Variants in NTMT2 observed in about 807,000 individuals in gnomAD.
The protein encoded by NTMT2 is X-Pro-Lys N-terminal protein methyltransferase 1B.
NTMT2 carries 21 observed loss-of-function variants against 23.4 expected under a neutral mutation model. The ratio of observed to expected loss-of-function variants is 0.90; its 90% CI spans 0.64 to 1.29. NTMT2 has a LOEUF of 1.29. NTMT2 is among the 50% of genes most tolerant of loss of function. The pLI is 0.00. For missense variants in NTMT2, 336 were observed against 352.0 expected, an observed-to-expected ratio of 0.95 and a Z score of 0.36; for synonymous variants, 131 against 127.7, an observed-to-expected ratio of 1.03 and a Z score of -0.17.
chr1:170,156,931 G>C (rs753178900), intron 1 of NTMT2, among the ~76,000 whole-genome samples: 1 of 152,170 alleles, frequency 6.6e-6, no homozygotes, highest in Non-Finnish European at 1.5e-5. Flanking sequence ...ACTTAAGCAG[G>C]TGATGATGAG....
At chr1:170,148,854 A>C (rs984237520) in intron 1 of NTMT2, among the ~76,000 whole-genome samples, 1 of 152,278 alleles carries the variant, frequency 6.6e-6, no homozygotes, top group East Asian at 1.9e-4. Flanking sequence ...AGAGCAGCCA[A>C]AGTTTTGTCT....
rs1193026633 is a variant in NTMT2, at chr1:170,146,069, T to A, written c.-39T>A. On this transcript the variant is annotated 5_prime_UTR_variant, in exon 1 of 4. Transcript: ENST00000439373. ...AATTCAAAGAAACAGCAAGGCAAGC[T>A]TCCTTTCTCTGTAGGAATCATTATT... 9 of 1,520,206 alleles carry A rather than the reference T, an allele frequency of 5.9e-6. No individual in the cohort carries two copies. Among genetic ancestry groups the A allele is most frequent in the Non-Finnish European group, 5.3e-6 (6 of 1,131,996 alleles). 94.2% of individuals were successfully genotyped at this position (1,520,206 alleles called of 1,614,324 possible).
At chr1:170,164,473 G>C (rs1418440797) in intron 2 of NTMT2, among the ~76,000 whole-genome samples, 3 of 152,178 alleles carry the variant, frequency 2.0e-5, no homozygotes, top group Non-Finnish European at 2.9e-5. Context: ...CTTAGAAGAT[G>C]CTTCTTTCAC....
Position 170,149,880 on chromosome 1 carries a change from C to T in NTMT2, c.154+3619C>T, listed in dbSNP as rs1673034502. Among the ~76,000 whole-genome samples, 8 of 152,114 alleles carry T rather than the reference C, an allele frequency of 5.3e-5. No individual in the cohort carries two copies. The South Asian group carries it at 1.7e-3, about 32-fold the overall frequency. ...ATTACCAAAAACGATAAACTTAATT[C>T]AAAATATGAGAGTTTTCAGGCTGCA... is the stretch of plus-strand genomic sequence containing the variant. On this transcript the variant is annotated intron_variant, in intron 1 of 3. Coordinates refer to ENST00000439373, the MANE Select transcript of NTMT2 (RefSeq NM_001136107.2).
rs1422981596 is a variant in NTMT2, at chr1:170,168,771, G to T, written c.*1014G>T. Among the ~76,000 whole-genome samples, 1 of 152,042 alleles carries T rather than the reference G, an allele frequency of 6.6e-6. No homozygotes were observed. The highest frequency in any genetic ancestry group is 2.4e-5 in the African/African-American group (1 of 41,392). Reference sequence around the variant, plus strand: ...GTCTTGATTGATATGAATGTATATTGGAAAGAGAAGCAGCAAAAGAAATGG... The same window carrying T: ...GTCTTGATTGATATGAATGTATATTTGAAAGAGAAGCAGCAAAAGAAATGG... On this transcript the variant is annotated 3_prime_UTR_variant, in exon 4 of 4. Transcript: ENST00000439373.
chr1:170,146,634 G>A (rs1464720841), intron 1 of NTMT2, among the ~76,000 whole-genome samples: 2 of 152,150 alleles, frequency 1.3e-5, no homozygotes, highest in South Asian at 4.1e-4. Context: ...TTAATACATT[G>A]AGTAAGAGTT....
chr1:170,150,380 A>G (rs1256426342), intron 1 of NTMT2, among the ~76,000 whole-genome samples: 4 of 152,234 alleles, frequency 2.6e-5, no homozygotes, highest in African/African-American at 9.6e-5. Flanking sequence ...CAAGCCTATC[A>G]TTGTTCTCAG....
rs1673424040 is a variant in NTMT2 at position 170,167,695 on chromosome 1, G to T, written c.790G>T (p.Gly264Cys). The T allele has an allele frequency of 1.3e-6, 2 of 1,551,376 alleles. No individual in the cohort carries two copies. The highest frequency in any genetic ancestry group is 1.2e-5 in the South Asian group (1 of 84,052). Reference protein sequence around the residue: ...LVVLGQEKQDGFPEQCIPVWM... With the variant: ...LVVLGQEKQDCFPEQCIPVWM... ...GGTGCTGGGCCAGGAGAAGCAGGAT[G>T]GCTTCCCAGAGCAGTGCATCCCCGT... The change falls in exon 4 of 4, where the codon GGC becomes TGC. Residue 264 changes from glycine to cysteine, a missense_variant. By Grantham distance (159) the Gly-to-Cys change is radical. Transcript: ENST00000439373.
intron 1 of NTMT2, among the ~76,000 whole-genome samples, chr1:170,148,298 G>A (rs978439334): frequency 5.3e-5 from 8 of 151,276 alleles, no homozygotes; most frequent in Admixed American, 1.3e-4. Context: ...ACAGTCCCCC[G>A]CTACCATGCC....
chr1:170,160,363 G>T (rs1673253328), intron 1 of NTMT2, among the ~76,000 whole-genome samples, 155 bp from the exon 2 acceptor site: 1 of 152,154 alleles, frequency 6.6e-6, no homozygotes, highest in Non-Finnish European at 1.5e-5. Context: ...ATAAGTCATG[G>T]AGCCAAAACT....
intron 1 of NTMT2, among the ~76,000 whole-genome samples, chr1:170,156,271 G>C (rs528805473): frequency 1.3e-5 from 2 of 152,106 alleles, no homozygotes; most frequent in African/African-American, 4.8e-5. Context: ...ATGCTAGAGT[G>C]TAATCTCCAT....
chr1:170,153,426 G>C (rs1673107212), intron 1 of NTMT2, among the ~76,000 whole-genome samples: 1 of 152,206 alleles, frequency 6.6e-6, no homozygotes, highest in Non-Finnish European at 1.5e-5. Flanking sequence ...ACTTCTAAGA[G>C]CTGTTAAATC....
At chr1:170,163,144 G>C (rs1463709469) in intron 2 of NTMT2, among the ~76,000 whole-genome samples, 1 of 152,154 alleles carries the variant, frequency 6.6e-6, no homozygotes, top group Non-Finnish European at 1.5e-5. Flanking sequence ...TTGGAAAAGA[G>C]GCAGCCTGCT....
chr1:170,162,103 CACAA>C (rs996297657), intron 2 of NTMT2, among the ~76,000 whole-genome samples: 9 of 152,020 alleles, frequency 5.9e-5, no homozygotes, highest in African/African-American at 1.7e-4. Context: ...CAAACGAACA[CACAA>C]ACAAACAAAC....
Position 170,166,711 on chromosome 1 carries a change from C to A in NTMT2, c.540C>A (p.Pro180=). 6.4e-7 allele frequency: 1 copy of A among 1,552,330 alleles called. No homozygotes were observed. Among genetic ancestry groups the A allele is most frequent in the Non-Finnish European group, 8.7e-7 (1 of 1,147,106 alleles). Residue 180 remains proline, a synonymous_variant, in exon 3 of 4, where the codon CCC becomes CCA. Transcript: ENST00000439373. The part of the protein sequence containing the change: ...HCYSLQEFTP[P]FRRYDVIWIQ... Reference sequence around the variant, plus strand: ...ACAGCCTGCAGGAATTCACACCCCCCTTCAGGAGATATGATGTCATCTGGA... The same window carrying A: ...ACAGCCTGCAGGAATTCACACCCCCATTCAGGAGATATGATGTCATCTGGA...
At position 170,160,535 on chromosome 1, in the gene NTMT2, A is replaced by C. The variant is rs547909253; in HGVS notation, c.172A>C (p.Thr58Pro). ...KIPLVKLYAL[T>P]SQVINGEMQF... is the part of the protein sequence containing the mutation. Reference sequence around the variant, plus strand: ...ATTTGCAGTGAAATTGTACGCTTTAACAAGCCAAGTCATCAATGGTGAGAT... The same window carrying C: ...ATTTGCAGTGAAATTGTACGCTTTACCAAGCCAAGTCATCAATGGTGAGAT... The change falls in exon 2 of 4, where the codon ACA becomes CCA. Residue 58 changes from threonine to proline, a missense_variant. Transcript: ENST00000439373. The C allele has an allele frequency of 1.3e-5, 20 of 1,537,858 alleles. No individual in the cohort carries two copies. The East Asian group carries it at 4.4e-4, about 34-fold the overall frequency.
At chr1:170,161,701 A>G (rs1433563498) in intron 2 of NTMT2, 1 of 152,242 alleles carries the variant, frequency 6.6e-6, no homozygotes, top group African/African-American at 2.4e-5. Flanking sequence ...TTAGTACCCA[A>G]TAAATCTAAT....
rs1415945974 is a variant in NTMT2 at position 170,164,177 on chromosome 1, A to G, written c.331-2325A>G. Among the ~76,000 whole-genome samples the G allele has an allele frequency of 2.7e-5, 4 of 150,496 alleles. No individual in the cohort carries two copies. The East Asian group carries it at 7.8e-4, about 30-fold the overall frequency. ...TGTTTTGAAATCACACATCGCATGT[A>G]GTTCTAGTCATATTCATTCAAGGGC... On this transcript the variant is annotated intron_variant, in intron 2 of 3. Coordinates refer to ENST00000439373, the MANE Select transcript of NTMT2 (RefSeq NM_001136107.2).
chr1:170,152,901 T>C (rs1385751727), intron 1 of NTMT2, among the ~76,000 whole-genome samples: 1 of 152,186 alleles, frequency 6.6e-6, no homozygotes, highest in East Asian at 1.9e-4. Flanking sequence ...TGAAATGTAA[T>C]CCCCAGTGTT....
Sources: allele counts gnomAD v4.1 joint callset (sites outside exome capture counted in the v4.1 genomes callset), GRCh38; gene constraint gnomAD v4.1.1; transcripts MANE v1.5; gene names NCBI Gene and HGNC (gene_info 2026-07-23, HGNC 2026-07-21).